SHPRH: variants seen among roughly 807,000 people sequenced by gnomAD.
The protein encoded by SHPRH is E3 ubiquitin-protein ligase SHPRH.
SHPRH carries 106 observed loss-of-function variants against 202.5 expected under a neutral mutation model. That is an observed-to-expected ratio of 0.52 (90% confidence interval 0.45 to 0.62). The LOEUF (loss-of-function observed/expected upper bound fraction) is 0.62, where lower values mean the gene tolerates loss of function less well. Ranked by LOEUF, SHPRH falls within the 20% of genes least tolerant of loss-of-function variation. The pLI is 0.00. For missense variants in SHPRH, 1,710 were observed against 2,020.0 expected, an observed-to-expected ratio of 0.85 and a Z score of 2.94; for synonymous variants, 729 against 686.0, an observed-to-expected ratio of 1.06 and a Z score of -0.98.
intron 16 of SHPRH, 116 bp downstream of exon 16, chr6:145,926,088 C>G: frequency 1.0e-6 from 1 of 962,886 alleles, no homozygotes; most frequent in Non-Finnish European, 1.5e-6. Flanking sequence ...ATCAAAGTAA[C>G]AGGAAAACAT....
At chr6:145,909,333 G>A (rs1027664170) in intron 25 of SHPRH, 10 of 152,082 alleles carry the variant, frequency 6.6e-5, no homozygotes, top group South Asian at 2.1e-4. Flanking sequence ...ATGAGGCCTA[G>A]CACACTGCCT....
intron 24 of SHPRH, among the ~76,000 whole-genome samples, chr6:145,912,721 G>A (rs534257450): frequency 1.3e-5 from 2 of 151,938 alleles, no homozygotes; most frequent in South Asian, 2.1e-4. Context: ...ATTATTACTG[G>A]TCAGAATATG....
At chr6:145,867,627 TATATAGAGAGAG>T (rs1184368561) in intron 2 of SHPRH, among the ~76,000 whole-genome samples, 26 of 53,794 alleles carry the variant, frequency 4.8e-4, no homozygotes, top group African/African-American at 1.6e-3. Context: ...TATATATATA[TATATAGAGAGAG>T]AGAGAGAGAG....
At chr6:145,923,078 C>G (rs1389185427) in intron 18 of SHPRH, among the ~76,000 whole-genome samples, 1 of 151,492 alleles carries the variant, frequency 6.6e-6, no homozygotes, top group Non-Finnish European at 1.5e-5. Flanking sequence ...TGAAAAAGAG[C>G]ATGAAAAATG....
At chr6:145,940,606 A>T in intron 11 of SHPRH, 117 bp downstream of exon 11, 1 of 936,778 alleles carries the variant, frequency 1.1e-6, no homozygotes, top group Non-Finnish European at 1.6e-6. Flanking sequence ...TCAACTATAA[A>T]GACATGAATC....
chr6:145,876,462 A>G (rs1780309880), intron 2 of SHPRH, among the ~76,000 whole-genome samples: 1 of 152,176 alleles, frequency 6.6e-6, no homozygotes, highest in Non-Finnish European at 1.5e-5. Context: ...CACTTAGCAT[A>G]ATGTTTTTAA....
chr6:145,895,928 T>C (rs1372243780), intron 25 of SHPRH, among the ~76,000 whole-genome samples: 1 of 152,018 alleles, frequency 6.6e-6, no homozygotes, highest in Non-Finnish European at 1.5e-5. Context: ...CAAGAACTTA[T>C]TATCTTTCTG....
intron 2 of SHPRH, among the ~76,000 whole-genome samples, chr6:145,876,511 CTTTT>C (rs1468301094): frequency 6.6e-6 from 1 of 152,114 alleles, no homozygotes; most frequent in Non-Finnish European, 1.5e-5. Context: ...TATTTCATTT[CTTTT>C]TTGTCCAAAT....
intron 6 of SHPRH, 38 bp from the exon 7 acceptor site, chr6:145,946,379 G>C: frequency 6.7e-7 from 1 of 1,481,548 alleles, no homozygotes; most frequent in Non-Finnish European, 9.2e-7. Flanking sequence ...ACAGTGTTTT[G>C]CTTTCAGTAT....
In SHPRH at chr6:145,933,057, C is replaced by A; in HGVS notation, c.3112G>T (p.Gly1038Cys). ...CAGAGATAAAGCAATCACCTTCTAC[C>A]TTTAATAATATGAATGCCTGCTAAG... Reference protein sequence around the residue: ...NGLAGIHIIKGEYALAAELYR... With the variant: ...NGLAGIHIIKCEYALAAELYR... Residue 1038 changes from glycine (G) to cysteine (C), a missense_variant and splice_region_variant, in exon 14 of 30, where the codon GGT becomes TGT. Around this residue, in one of 8 missense-constraint regions of SHPRH, gnomAD observed 288 missense variants for 317.8 expected, o/e 0.91. Coordinates refer to ENST00000275233, the MANE Select transcript of SHPRH (RefSeq NM_001042683.3). 6.2e-7 allele frequency: 1 copy of A among 1,613,466 alleles called. No homozygotes were observed. The highest frequency in any genetic ancestry group is 8.5e-7 in the Non-Finnish European group (1 of 1,179,680).
At chr6:145,889,144 C>G (rs1394270798) in intron 28 of SHPRH, among the ~76,000 whole-genome samples, 1 of 152,090 alleles carries the variant, frequency 6.6e-6, no homozygotes, top group African/African-American at 2.4e-5. Context: ...ATGGGCATGT[C>G]TGGGCTGGGG....
intron 14 of SHPRH, among the ~76,000 whole-genome samples, chr6:145,931,972 T>C (rs1439790629): frequency 6.6e-6 from 1 of 152,084 alleles, no homozygotes; most frequent in Non-Finnish European, 1.5e-5. Flanking sequence ...TGAGGCTCTT[T>C]TCAAAATTTT....
At chr6:145,940,858 C>T in intron 10 of SHPRH, 57 bp from the exon 11 acceptor site, 2 of 1,573,528 alleles carry the variant, frequency 1.3e-6, no homozygotes, top group South Asian at 1.1e-5. Flanking sequence ...AGAAAGAACA[C>T]AGAAGTCAGG....
intron 2 of SHPRH, among the ~76,000 whole-genome samples, chr6:145,867,085 T>A (rs1300125697): frequency 1.3e-5 from 2 of 152,198 alleles, no homozygotes; most frequent in Non-Finnish European, 2.9e-5. Context: ...AATGGGAAGT[T>A]AAAGCTCAAA....
chr6:145,950,201 C>T, intron 4 of SHPRH, 63 bp downstream of exon 4: 1 of 1,384,412 alleles, frequency 7.2e-7, no homozygotes. Context: ...TTCACCCTGC[C>T]CTAATTGTCT....
At chr6:145,899,550 T>C (rs1302958170) in intron 25 of SHPRH, among the ~76,000 whole-genome samples, 2 of 152,096 alleles carry the variant, frequency 1.3e-5, no homozygotes, top group Non-Finnish European at 2.9e-5. Flanking sequence ...TCAAAATGGA[T>C]TAAAGACTTA....
intron 28 of SHPRH, 84 bp downstream of exon 28, chr6:145,893,131 T>C: frequency 8.2e-7 from 1 of 1,216,094 alleles, no homozygotes; most frequent in Non-Finnish European, 1.1e-6. Context: ...TACGCTATGA[T>C]GAACATAAAT....
At chr6:145,894,423 T>TG (rs1032593554) in intron 26 of SHPRH, among the ~76,000 whole-genome samples, 187 bp from the exon 27 acceptor site, 17 of 151,000 alleles carry the variant, frequency 1.1e-4, no homozygotes, top group South Asian at 2.1e-4. Context: ...TTTGTTTGTT[T>TG]TTTTTTTTTT....
At chr6:145,939,406 T>A (rs1232382744) in intron 11 of SHPRH, among the ~76,000 whole-genome samples, 1 of 152,230 alleles carries the variant, frequency 6.6e-6, no homozygotes, top group Non-Finnish European at 1.5e-5. Flanking sequence ...AAATAGCTCA[T>A]TAAAGTTGGT....
Sources: allele counts gnomAD v4.1 joint callset (sites outside exome capture counted in the v4.1 genomes callset), GRCh38; gene constraint gnomAD v4.1.1; regional missense constraint gnomAD v4.1.1; transcripts MANE v1.5; gene names NCBI Gene and HGNC (gene_info 2026-07-23, HGNC 2026-07-21).